VDAC2: variants seen among roughly 807,000 people sequenced by gnomAD.
VDAC2 encodes voltage dependent anion channel 2, also known as non-selective voltage-gated ion channel VDAC2.
In VDAC2, 6 loss-of-function variants were observed where a neutral mutation model predicts 36.6. That is an observed-to-expected ratio of 0.16 (90% confidence interval 0.09 to 0.32). VDAC2 has a LOEUF of 0.32. Ranked by LOEUF, VDAC2 falls within the 10% of genes least tolerant of loss-of-function variation. VDAC2 has a pLI of 1.00. For synonymous variants in VDAC2, 109 were observed against 123.8 expected (o/e 0.88, Z 0.79); for missense variants, 247 against 346.0 (o/e 0.71, Z 2.27).
rs1417368263 is a variant in VDAC2 at position 75,226,752 on chromosome 10, G to A, written c.736-2892G>A. Among the ~76,000 whole-genome samples, 5 of 152,130 alleles carry A rather than the reference G, an allele frequency of 3.3e-5. 1 individual carries two copies. The highest frequency in any genetic ancestry group is 3.3e-4 in the Admixed American group (5 of 15,278). The stretch of plus-strand genomic sequence containing the variant: ...GCCGGGGTAACAGGAACGAGCCACT[G>A]CGCCCTGGGCTATGTTGTTATTTTT... On this transcript the variant is annotated intron_variant, in intron 8 of 9. Coordinates refer to ENST00000332211, the MANE Select transcript of VDAC2 (RefSeq NM_001391963.1).
chr10:75,211,570 G>T, intron 2 of VDAC2: 1 of 1,550,640 alleles, frequency 6.4e-7, no homozygotes, highest in South Asian at 1.2e-5. Context: ...GCGTGGACGT[G>T]CTTTGTGGAA....
At position 75,222,338 on chromosome 10, in the gene VDAC2, G is replaced by A; in HGVS notation, c.671G>A (p.Gly224Asp). Residue 224 changes from glycine to aspartate, a missense_variant, in exon 8 of 10, where the codon GGT (glycine) becomes GAT (aspartate). By Grantham distance (94) the Gly-to-Asp change is moderately conservative. Coordinates refer to ENST00000332211, the MANE Select transcript of VDAC2 (RefSeq NM_001391963.1). ...DTSVNLAWTS[G>D]TNCTRFGIAA... ...TCAGTAAACCTTGCTTGGACATCAGGTACCAACTGCACTCGTTTTGGCATT... is the reference window on the plus strand; with the variant it reads ...TCAGTAAACCTTGCTTGGACATCAGATACCAACTGCACTCGTTTTGGCATT... 2 of 1,614,112 alleles carry A rather than the reference G, an allele frequency of 1.2e-6. No homozygotes were observed. Among genetic ancestry groups the A allele is most frequent in the South Asian group, 2.2e-5 (2 of 91,072 alleles).
At chr10:75,226,331 C>T (rs772805497) in intron 8 of VDAC2, among the ~76,000 whole-genome samples, 7 of 151,924 alleles carry the variant, frequency 4.6e-5, no homozygotes, top group South Asian at 2.1e-4. Flanking sequence ...GCTTCTATAA[C>T]CCTTGCAATT....
At chr10:75,223,106 G>A (rs577047218) in intron 8 of VDAC2, among the ~76,000 whole-genome samples, 1 of 150,990 alleles carries the variant, frequency 6.6e-6, no homozygotes, top group East Asian at 2.0e-4. Flanking sequence ...TCAGCCTCCT[G>A]AGTAGCTGAG....
upstream of VDAC2, chr10:75,210,254 C>G (rs1210053892): frequency 6.6e-6 from 1 of 152,630 alleles, no homozygotes; most frequent in South Asian, 2.1e-4. Flanking sequence ...CTGGAGGTGG[C>G]GCCCCTGTGT....
intron 9 of VDAC2, 35 bp from the exon 10 acceptor site, chr10:75,230,863 C>T (rs531773764): frequency 2.7e-5 from 43 of 1,585,746 alleles, no homozygotes; most frequent in South Asian, 1.8e-4. Flanking sequence ...AGGTACATCA[C>T]GGTTTTTTGT....
intron 4 of VDAC2, among the ~76,000 whole-genome samples, chr10:75,215,356 C>CTT (rs894316957): frequency 2.1e-5 from 3 of 143,368 alleles, no homozygotes; most frequent in Admixed American, 7.0e-5. Flanking sequence ...GAGAGAGAGA[C>CTT]TTTTTTTTTT....
chr10:75,213,036 T>A (rs563530866), intron 3 of VDAC2, among the ~76,000 whole-genome samples: 1 of 152,282 alleles, frequency 6.6e-6, no homozygotes, highest in East Asian at 1.9e-4. Flanking sequence ...AAATACCCCA[T>A]TGGCATAAAT....
chr10:75,214,750 C>T (rs1366433767), intron 4 of VDAC2, among the ~76,000 whole-genome samples: 1 of 152,224 alleles, frequency 6.6e-6, no homozygotes, highest in African/African-American at 2.4e-5. Flanking sequence ...GTCTCCAACT[C>T]CTGACCTCAG....
intron 3 of VDAC2, among the ~76,000 whole-genome samples, chr10:75,213,699 G>T: frequency 6.6e-6 from 1 of 152,190 alleles, no homozygotes; most frequent in South Asian, 2.1e-4. Flanking sequence ...AGCTGAGATC[G>T]TGCCACTGCA....
chr10:75,226,508 G>A (rs1162100150), intron 8 of VDAC2, among the ~76,000 whole-genome samples: 1 of 141,110 alleles, frequency 7.1e-6, no homozygotes, highest in Non-Finnish European at 1.5e-5. Context: ...GCTGGATGGA[G>A]TACAGTGGCA....
At chr10:75,213,068 A>G (rs1265990844) in intron 3 of VDAC2, among the ~76,000 whole-genome samples, 3 of 151,942 alleles carry the variant, frequency 2.0e-5, no homozygotes, top group Admixed American at 2.0e-4. Context: ...CTGTATTATG[A>G]TAAGTTGGTT....
In VDAC2 at chr10:75,212,303, G is replaced by C. The variant is rs995536519; in HGVS notation, c.100+5G>C. Reference sequence around the variant, plus strand: ...ATATTTTCAACAAAGGATTTGGTAAGAACCTTATTTTTAAAACGTTTTAGA... The same window carrying C: ...ATATTTTCAACAAAGGATTTGGTAACAACCTTATTTTTAAAACGTTTTAGA... On this transcript the variant is annotated splice_donor_5th_base_variant and intron_variant, in intron 3 of 9. Coordinates refer to ENST00000332211, the MANE Select transcript of VDAC2 (RefSeq NM_001391963.1). The C allele has an allele frequency of 6.2e-7, 1 of 1,610,158 alleles. No homozygotes were observed. The highest frequency in any genetic ancestry group is 1.1e-5 in the South Asian group (1 of 90,624).
chr10:75,224,561 T>C (rs1841902932), intron 8 of VDAC2, among the ~76,000 whole-genome samples: 1 of 152,112 alleles, frequency 6.6e-6, no homozygotes, highest in African/African-American at 2.4e-5. Context: ...AATTCAAAGA[T>C]AGATCCAACT....
chr10:75,212,136 T>G (rs1841442564), intron 2 of VDAC2, 94 bp from the exon 3 acceptor site: 4 of 1,134,262 alleles, frequency 3.5e-6, no homozygotes, highest in African/African-American at 1.6e-5. Flanking sequence ...TGGGATTGCT[T>G]GAATTTTAAT....
At chr10:75,225,090 A>G (rs1841918435) in intron 8 of VDAC2, among the ~76,000 whole-genome samples, 1 of 152,186 alleles carries the variant, frequency 6.6e-6, no homozygotes, top group Non-Finnish European at 1.5e-5. Flanking sequence ...ATTGATGATT[A>G]TATGTATTGT....
intron 4 of VDAC2, 141 bp from the exon 5 acceptor site, chr10:75,218,922 A>G (rs980991732): frequency 2.2e-5 from 18 of 815,012 alleles, no homozygotes; most frequent in Non-Finnish European, 3.2e-5. Flanking sequence ...GTGCAGAAGG[A>G]TACGAGTGTT....
intron 8 of VDAC2, among the ~76,000 whole-genome samples, chr10:75,224,986 C>T (rs530669647): frequency 3.7e-4 from 56 of 152,202 alleles, no homozygotes; most frequent in African/African-American, 1.3e-3. Context: ...TGATCTGTAA[C>T]GAAACTGATT....
chr10:75,231,301 A>G lies in VDAC2; in HGVS notation c.*312A>G, dbSNP rs1399633019. 1.0e-5 allele frequency: 2 copies of G among 198,650 alleles called. No individual in the cohort carries two copies. Among genetic ancestry groups the G allele is most frequent in the Non-Finnish European group, 2.1e-5 (2 of 96,618 alleles). The allele number at this position is 198,650 out of a possible 1,614,324, so 12.3% of individuals were successfully genotyped here. The stretch of plus-strand genomic sequence containing the variant: ...TGCAATTGTGTGCATGTTTGTTTTT[A>G]TGTTCCTTTAGAAAACATTGACTGT... On this transcript the variant is annotated 3_prime_UTR_variant, in exon 10 of 10. Transcript: ENST00000332211.
Sources: gnomAD v4.1 joint callset for allele counts (sites outside exome capture counted in the v4.1 genomes callset) on GRCh38, gnomAD v4.1.1 for gene constraint, MANE v1.5 for transcripts, NCBI Gene and HGNC (gene_info 2026-07-23, HGNC 2026-07-21) for gene names.